Variants in MIPEP observed in about 807,000 individuals in gnomAD.
MIPEP encodes the protein mitochondrial intermediate peptidase.
A neutral mutation model predicts 90.3 loss-of-function variants in MIPEP; 79 were observed. The observed-to-expected ratio is 0.87, with a 90% CI of 0.73 to 1.05. The LOEUF (loss-of-function observed/expected upper bound fraction) is 1.05. Ranked by LOEUF, MIPEP falls within the 50% of genes least tolerant of loss-of-function variation. The pLI is 0.00. For missense variants in MIPEP, 940 were observed against 905.6 expected (o/e 1.04, Z -0.49); for synonymous variants, 334 against 315.8 (o/e 1.06, Z -0.61).
At chr13:23,785,653 A>G (rs144638770) in intron 16 of MIPEP, among the ~76,000 whole-genome samples, 294 of 151,914 alleles carry the variant, frequency 1.9e-3, no homozygotes, top group African/African-American at 7.0e-3. Context: ...AAAAGAAAGA[A>G]GTCCTCTAAA....
rs1030497399 is a variant in MIPEP at position 23,805,580 on chromosome 13, C to T, written c.1848+370G>A. 8.5e-5 allele frequency among the ~76,000 whole-genome samples: 13 copies of T among 152,238 alleles called. No individual in the cohort carries two copies. The East Asian group carries it at 2.1e-3, about 25-fold the overall frequency. Reference sequence around the variant, plus strand: ...ATAATTCCTGGTACAATGTAAGATACTCAATACATGTTAATTCTCTTTGCA... The same window carrying T: ...ATAATTCCTGGTACAATGTAAGATATTCAATACATGTTAATTCTCTTTGCA... On this transcript the variant is annotated intron_variant, in intron 16 of 18. Transcript: ENST00000382172.
intron 16 of MIPEP, among the ~76,000 whole-genome samples, chr13:23,782,916 A>C (rs1383692237): frequency 1.3e-5 from 2 of 152,364 alleles, no homozygotes; most frequent in East Asian, 3.9e-4. Flanking sequence ...GAAGAAGTTG[A>C]ATCCCTGAAT....
At chr13:23,796,425 A>C (rs1179105767) in intron 16 of MIPEP, among the ~76,000 whole-genome samples, 2 of 152,138 alleles carry the variant, frequency 1.3e-5, no homozygotes, top group Non-Finnish European at 2.9e-5. Flanking sequence ...TCAAAAAAAA[A>C]CCAAACAAAC....
Position 23,789,188 on chromosome 13 carries a change from CATAT to C in MIPEP, c.1848+16758_1848+16761del, listed in dbSNP as rs577381343. Among the ~76,000 whole-genome samples, 16 of 136,316 alleles carry C rather than the reference CATAT, an allele frequency of 1.2e-4. No individual in the cohort carries two copies. The East Asian group carries it at 3.6e-3, about 31-fold the overall frequency. 89.4% of individuals were successfully genotyped at this position (136,316 alleles called of 152,430 possible). On this transcript the variant is annotated intron_variant, in intron 16 of 18. Coordinates refer to ENST00000382172, the MANE Select transcript of MIPEP (RefSeq NM_005932.4). Reference sequence around the variant, plus strand: ...GCTCTTTATGCAGCAAAACGTAAACCATATGTCACAGATGTTATAATTTAAAAAA... The same window carrying C: ...GCTCTTTATGCAGCAAAACGTAAACCGTCACAGATGTTATAATTTAAAAAA...
rs116389281 is a variant in MIPEP at position 23,853,925 on chromosome 13, A to G, written c.1106+4935T>C. Among the ~76,000 whole-genome samples, 1,082 of 152,178 alleles carry G rather than the reference A, an allele frequency of 7.1e-3. 18 individuals are homozygous for G. The highest frequency in any genetic ancestry group is 0.025 in the African/African-American group (1,017 of 41,510). On this transcript the variant is annotated intron_variant, in intron 10 of 18. Transcript: ENST00000382172. ...AAGTGGCACATGACTGTACATTAGT[A>G]ATGAGAAAAGAGAAAGGAAGGAAAG...
At chr13:23,842,228 T>C (rs1041374120) in intron 10 of MIPEP, 9 of 152,330 alleles carry the variant, frequency 5.9e-5, no homozygotes, top group South Asian at 2.1e-4. Context: ...TCTCATTATA[T>C]GTCTACTTTT....
intron 14 of MIPEP, among the ~76,000 whole-genome samples, chr13:23,813,389 A>G (rs1336468121): frequency 2.0e-5 from 3 of 152,164 alleles, no homozygotes; most frequent in Non-Finnish European, 4.4e-5. Context: ...CTGTGAAATG[A>G]TACGGTATTT....
At chr13:23,771,421 C>A (rs1952648929) in intron 16 of MIPEP, among the ~76,000 whole-genome samples, 1 of 151,992 alleles carries the variant, frequency 6.6e-6, no homozygotes, top group African/African-American at 2.4e-5. Flanking sequence ...AATTTGGAAA[C>A]AGTTTACATC....
chr13:23,882,583 GAT>G (rs1332194212), intron 2 of MIPEP, among the ~76,000 whole-genome samples: 1 of 152,050 alleles, frequency 6.6e-6, no homozygotes, highest in Non-Finnish European at 1.5e-5. Flanking sequence ...TTTTTAAAAA[GAT>G]AAAATGATGT....
chr13:23,828,559 C>A (rs1868581874), intron 14 of MIPEP, among the ~76,000 whole-genome samples: 1 of 152,134 alleles, frequency 6.6e-6, no homozygotes, highest in Non-Finnish European at 1.5e-5. Context: ...AATATATATA[C>A]TGCTTATAGT....
chr13:23,878,463 A>G (rs1871154679), intron 4 of MIPEP, among the ~76,000 whole-genome samples: 2 of 152,216 alleles, frequency 1.3e-5, no homozygotes, highest in South Asian at 4.1e-4. Flanking sequence ...AATAAGCCAC[A>G]TATGGAGACA....
intron 10 of MIPEP, among the ~76,000 whole-genome samples, chr13:23,855,305 A>G (rs1870003682): frequency 6.6e-6 from 1 of 152,210 alleles, no homozygotes; most frequent in Admixed American, 6.5e-5. Context: ...GGTATTTTCC[A>G]GGATCAACCT....
At chr13:23,850,474 G>A (rs147998135) in intron 10 of MIPEP, among the ~76,000 whole-genome samples, 194 of 152,278 alleles carry the variant, frequency 1.3e-3, no homozygotes, top group African/African-American at 4.5e-3. Flanking sequence ...CTAGTGGCAA[G>A]AAAATTGCTC....
At chr13:23,801,279 A>G (rs1045797818) in intron 16 of MIPEP, among the ~76,000 whole-genome samples, 1 of 151,962 alleles carries the variant, frequency 6.6e-6, no homozygotes, top group Non-Finnish European at 1.5e-5. Context: ...CATCATCCCA[A>G]CCCATATATC....
chr13:23,776,462 C>T (rs138738665), intron 16 of MIPEP, among the ~76,000 whole-genome samples: 16 of 152,280 alleles, frequency 1.1e-4, no homozygotes, highest in East Asian at 5.8e-4. Flanking sequence ...TCTGACTCCA[C>T]GAGGCAAAAT....
At chr13:23,783,243 C>T (rs1195139018) in intron 16 of MIPEP, among the ~76,000 whole-genome samples, 3 of 152,158 alleles carry the variant, frequency 2.0e-5, no homozygotes, top group Non-Finnish European at 4.4e-5. Context: ...CATCAAAAAG[C>T]TTATCCACCA....
At chr13:23,792,389 T>C (rs1952906040) in intron 16 of MIPEP, among the ~76,000 whole-genome samples, 1 of 152,216 alleles carries the variant, frequency 6.6e-6, no homozygotes, top group African/African-American at 2.4e-5. Flanking sequence ...ATAGTCTTCA[T>C]AGTCTTCTCC....
intron 18 of MIPEP, among the ~76,000 whole-genome samples, chr13:23,736,765 C>A (rs1952268994): frequency 6.6e-6 from 1 of 152,170 alleles, no homozygotes; most frequent in South Asian, 2.1e-4. Context: ...CTCCCAGAAC[C>A]ACGGTGGCTG....
intron 11 of MIPEP, among the ~76,000 whole-genome samples, chr13:23,841,079 A>G (rs1869273091): frequency 6.6e-6 from 1 of 152,230 alleles, no homozygotes; most frequent in South Asian, 2.1e-4. Context: ...TTGTGGATAT[A>G]TGAAGGTGCA....
Sources: allele counts gnomAD v4.1 joint callset (sites outside exome capture counted in the v4.1 genomes callset), GRCh38; gene constraint gnomAD v4.1.1; transcripts MANE v1.5; gene names NCBI Gene and HGNC (gene_info 2026-07-23, HGNC 2026-07-21).